The following PVT1 variants were observed in gnomAD, a reference collection of about 807,000 sequenced individuals.
PVT1 encodes the protein Pvt1 oncogene.
chr8:127,994,615 C>A (rs1293223852), intron 4 of PVT1, among the ~76,000 whole-genome samples: 1 of 152,168 alleles, frequency 6.6e-6, no homozygotes, highest in Non-Finnish European at 1.5e-5. Context: ...ATATCTATAT[C>A]TAGGAGATTT....
intron 4 of PVT1, among the ~76,000 whole-genome samples, chr8:127,996,003 T>C (rs765453220): frequency 5.9e-5 from 9 of 152,114 alleles, no homozygotes; most frequent in Admixed American, 1.3e-4. Context: ...GGTATCTCCA[T>C]CCCAACATAC....
intron 2 of PVT1, among the ~76,000 whole-genome samples, chr8:127,806,164 T>C (rs1001825407): frequency 1.6e-4 from 25 of 152,060 alleles, no homozygotes; most frequent in Admixed American, 3.3e-4. Context: ...GCAGTGCTCA[T>C]AGAAAGCAAA....
At chr8:127,862,224 A>G (rs1815236374) in intron 2 of PVT1, among the ~76,000 whole-genome samples, 1 of 152,178 alleles carries the variant, frequency 6.6e-6, no homozygotes, top group South Asian at 2.1e-4. Context: ...CCTGGCCAAC[A>G]TGGTGAAACC....
At chr8:127,863,667 G>A (rs189636886) in intron 2 of PVT1, among the ~76,000 whole-genome samples, 3 of 152,336 alleles carry the variant, frequency 2.0e-5, no homozygotes, top group East Asian at 1.9e-4. Context: ...CTCTGCTAAG[G>A]ACAGCGATCA....
intron 4 of PVT1, among the ~76,000 whole-genome samples, chr8:128,033,380 A>G (rs1452491384): frequency 6.6e-6 from 1 of 152,138 alleles, no homozygotes; most frequent in African/African-American, 2.4e-5. Flanking sequence ...AGTCAGACTT[A>G]TGTGACTCTT....
At chr8:127,860,779 A>C (rs1435328812) in intron 2 of PVT1, among the ~76,000 whole-genome samples, 1 of 132,534 alleles carries the variant, frequency 7.5e-6, no homozygotes, top group African/African-American at 2.5e-5. Flanking sequence ...AAAAAAAAAA[A>C]AAAAAGGAGA....
chr8:127,921,081 T>C (rs941901642), intron 3 of PVT1, among the ~76,000 whole-genome samples: 1 of 152,352 alleles, frequency 6.6e-6, no homozygotes, highest in East Asian at 1.9e-4. Context: ...AACAGGGGTT[T>C]TTCTCTCCAA....
chr8:127,937,548 G>GACAC (rs35147410), intron 3 of PVT1, among the ~76,000 whole-genome samples: 1,524 of 122,642 alleles, frequency 0.012, 46 homozygotes, highest in African/African-American at 0.045. Context: ...TAGGGAAAAA[G>GACAC]ACACACACAC....
At chr8:127,971,897 G>A (rs1042838947) in intron 3 of PVT1, among the ~76,000 whole-genome samples, 12 of 152,184 alleles carry the variant, frequency 7.9e-5, no homozygotes, top group Non-Finnish European at 2.9e-5. Flanking sequence ...GTAGAATGCT[G>A]GTCTTCGGAC....
At chr8:128,032,626 G>A (rs532712639) in intron 4 of PVT1, among the ~76,000 whole-genome samples, 18 of 152,330 alleles carry the variant, frequency 1.2e-4, no homozygotes, top group African/African-American at 3.8e-4. Flanking sequence ...TCAATATTAA[G>A]CATTTATTAT....
chr8:127,836,997 C>T (rs1201563402), intron 2 of PVT1, among the ~76,000 whole-genome samples: 1 of 152,188 alleles, frequency 6.6e-6, no homozygotes, highest in African/African-American at 2.4e-5. Context: ...TTGGACTTCA[C>T]TGGCCTGTCC....
intron 2 of PVT1, among the ~76,000 whole-genome samples, chr8:127,806,879 G>T (rs766150954): frequency 1.3e-5 from 2 of 152,204 alleles, no homozygotes; most frequent in Non-Finnish European, 2.9e-5. Flanking sequence ...CAGGGGTTTG[G>T]TAGTTTTTAT....
rs1554606714 is a variant in PVT1 at position 128,043,803 on chromosome 8, C to CACACACACACACAT, written n.913-26356_913-26355insCACACACACACATA. 3.4e-3 allele frequency among the ~76,000 whole-genome samples: 479 copies of CACACACACACACAT among 142,484 alleles called. 3 individuals carry two copies. The highest frequency in any genetic ancestry group is 0.01 in the African/African-American group (395 of 37,772). 93.5% of individuals were successfully genotyped at this position (142,484 alleles called of 152,430 possible). On this transcript the variant is annotated intron_variant and non_coding_transcript_variant, in intron 4 of 10. Coordinates refer to ENST00000651587, the Ensembl canonical transcript of PVT1. ...ACACACACACACACACACACACACA[C>CACACACACACACAT]ATACACAAGGAGGCCAAACATCTTG...
chr8:128,042,118 A>G (rs1451380461), intron 4 of PVT1, among the ~76,000 whole-genome samples: 1 of 152,224 alleles, frequency 6.6e-6, no homozygotes, highest in African/African-American at 2.4e-5. Context: ...AAGTGTTGGT[A>G]CAAATAGTTT....
At chr8:128,026,130 A>G (rs1817490582) in intron 4 of PVT1, among the ~76,000 whole-genome samples, 1 of 151,994 alleles carries the variant, frequency 6.6e-6, no homozygotes, top group Non-Finnish European at 1.5e-5. Context: ...TTTAGTAGAG[A>G]TGAGGTTTCA....
intron 5 of PVT1, among the ~76,000 whole-genome samples, chr8:128,085,600 T>C (rs1394409440): frequency 3.3e-5 from 5 of 152,224 alleles, no homozygotes; most frequent in African/African-American, 1.2e-4. Context: ...GTCCAAAACC[T>C]AGCACGCTTC....
At chr8:127,909,540 A>G (rs1196671812) in intron 3 of PVT1, among the ~76,000 whole-genome samples, 3 of 152,210 alleles carry the variant, frequency 2.0e-5, no homozygotes, top group Admixed American at 2.0e-4. Flanking sequence ...GATCAGTTGA[A>G]ATAGTGCACA....
chr8:127,802,488 T>C (rs1814475960), intron 2 of PVT1, among the ~76,000 whole-genome samples: 2 of 152,220 alleles, frequency 1.3e-5, no homozygotes, highest in African/African-American at 4.8e-5. Context: ...AGTTCTAGGG[T>C]TACAGGCGTG....
chr8:127,821,909 T>C lies in PVT1; in HGVS notation n.372+25838T>C, dbSNP rs569267497. Among the ~76,000 whole-genome samples, 50 of 152,318 alleles carry C rather than the reference T, an allele frequency of 3.3e-4. No individual in the cohort carries two copies. The South Asian group carries it at 7.0e-3, about 21-fold the overall frequency. ...AAACTGTGACACAAACGGTGGACTTTAGAGTTGTGCAGGGTACAATCTGCA... is the reference window on the plus strand; with the variant it reads ...AAACTGTGACACAAACGGTGGACTTCAGAGTTGTGCAGGGTACAATCTGCA... On this transcript the variant is annotated intron_variant and non_coding_transcript_variant, in intron 2 of 10. Coordinates refer to ENST00000651587, the Ensembl canonical transcript of PVT1.
Sources: allele counts gnomAD v4.1 joint callset (sites outside exome capture counted in the v4.1 genomes callset), GRCh38; gene constraint gnomAD v4.1.1; transcripts MANE v1.5; gene names NCBI Gene and HGNC (gene_info 2026-07-23, HGNC 2026-07-21).